The following FAM184B variants were observed in gnomAD, a reference collection of about 807,000 sequenced individuals.
The protein encoded by FAM184B is family with sequence similarity 184 member B.
A neutral mutation model predicts 135.9 loss-of-function variants in FAM184B; 111 were observed. That is an observed-to-expected ratio of 0.82 (90% CI 0.70 to 0.96). FAM184B has a LOEUF of 0.96. Ranked by LOEUF, FAM184B falls within the 40% of genes least tolerant of loss-of-function variation. The pLI is 0.00. For missense variants in FAM184B, 1,375 were observed against 1,323.9 expected (o/e 1.04, Z -0.60); for synonymous variants, 552 against 524.8 (o/e 1.05, Z -0.71).
intron 1 of FAM184B, among the ~76,000 whole-genome samples, chr4:17,758,452 A>G (rs2108991425): frequency 6.6e-6 from 1 of 152,366 alleles, no homozygotes; most frequent in East Asian, 1.9e-4. Context: ...GCCTACCTGT[A>G]GCAGCAGCTG....
Position 17,630,609 on chromosome 4 carries a change from G to C in FAM184B, c.*1923C>G, listed in dbSNP as rs552404264. On this transcript the variant is annotated 3_prime_UTR_variant, in exon 18 of 18. Coordinates refer to ENST00000265018, the MANE Select transcript of FAM184B (RefSeq NM_015688.2). ...TGTTAGAGCAGCCTGAACGAACTAA[G>C]ACACTCTAAGCGGGAAACTCACAAA... The C allele has an allele frequency of 6.6e-6, 1 of 152,270 alleles. No individual in the cohort carries two copies. The highest frequency in any genetic ancestry group is 2.4e-5 in the African/African-American group (1 of 41,562). 9.4% of individuals were successfully genotyped at this position (152,270 alleles called of 1,614,324 possible).
intron 1 of FAM184B, among the ~76,000 whole-genome samples, chr4:17,771,594 T>C (rs1302755546): frequency 6.6e-6 from 1 of 152,142 alleles, no homozygotes; most frequent in Non-Finnish European, 1.5e-5. Flanking sequence ...AAGAGGATAT[T>C]TTCAGAAAAG....
chr4:17,767,090 G>A (rs917263484), intron 1 of FAM184B, among the ~76,000 whole-genome samples: 1 of 152,152 alleles, frequency 6.6e-6, no homozygotes, highest in Non-Finnish European at 1.5e-5. Flanking sequence ...AGCGCCAGCC[G>A]GCCCCTCCGA....
At chr4:17,731,766 C>A (rs967746731) in intron 1 of FAM184B, among the ~76,000 whole-genome samples, 2 of 152,134 alleles carry the variant, frequency 1.3e-5, no homozygotes, top group African/African-American at 4.8e-5. Flanking sequence ...TTAGACAGAT[C>A]AACGAGACAG....
At chr4:17,773,454 G>T (rs1229036424) in intron 1 of FAM184B, among the ~76,000 whole-genome samples, 3 of 152,198 alleles carry the variant, frequency 2.0e-5, no homozygotes, top group Admixed American at 1.3e-4. Context: ...GCACTAAGAC[G>T]CCTGCGCATT....
intron 7 of FAM184B, among the ~76,000 whole-genome samples, chr4:17,688,199 C>T (rs1227813398): frequency 1.3e-5 from 2 of 152,106 alleles, no homozygotes; most frequent in Admixed American, 1.3e-4. Flanking sequence ...TCTGACAGGC[C>T]TTATTCTCTT....
At chr4:17,669,845 T>C (rs1250663725) in intron 7 of FAM184B, among the ~76,000 whole-genome samples, 1 of 152,172 alleles carries the variant, frequency 6.6e-6, no homozygotes, top group African/African-American at 2.4e-5. Flanking sequence ...AAGCTAAACC[T>C]AATAGCTAAA....
chr4:17,707,827 G>A, intron 2 of FAM184B, 43 bp from the exon 3 acceptor site: 2 of 1,549,642 alleles, frequency 1.3e-6, no homozygotes, highest in Non-Finnish European at 1.7e-6. Context: ...TTATAGCTCT[G>A]TATAGAGACA....
At chr4:17,636,721 T>A in intron 14 of FAM184B, 76 bp from the exon 15 acceptor site, 1 of 1,215,826 alleles carries the variant, frequency 8.2e-7, no homozygotes, top group Non-Finnish European at 1.1e-6. Flanking sequence ...GTGCACACGA[T>A]GGGAATGCCA....
chr4:17,731,193 G>T (rs2108977879), intron 1 of FAM184B, among the ~76,000 whole-genome samples: 1 of 152,170 alleles, frequency 6.6e-6, no homozygotes, highest in South Asian at 2.1e-4. Context: ...ACATGGAAAG[G>T]AACAACCGGT....
At position 17,752,946 on chromosome 4, in the gene FAM184B, C is replaced by G. The variant is rs951812704; in HGVS notation, c.141+28213G>C. 2.0e-5 allele frequency among the ~76,000 whole-genome samples: 3 copies of G among 152,306 alleles called. No individual in the cohort carries two copies. In the East Asian group the frequency reaches 5.8e-4, roughly 29 times the overall value. On this transcript the variant is annotated intron_variant, in intron 1 of 17. Coordinates refer to ENST00000265018, the MANE Select transcript of FAM184B (RefSeq NM_015688.2). ...TTCTCTCTTAACCTCCACTATTTGC[C>G]CTTGAAGGTAGCAGCTACTTCTAAC... is the stretch of plus-strand genomic sequence containing the variant.
chr4:17,721,126 T>C (rs998258468), intron 1 of FAM184B, among the ~76,000 whole-genome samples: 2 of 151,514 alleles, frequency 1.3e-5, no homozygotes, highest in African/African-American at 4.8e-5. Flanking sequence ...GGCTTACGCC[T>C]GTAATCCCAG....
chr4:17,765,607 C>G (rs1482588584), intron 1 of FAM184B, among the ~76,000 whole-genome samples: 1 of 152,182 alleles, frequency 6.6e-6, no homozygotes, highest in Admixed American at 6.5e-5. Context: ...CTGCCTTCAA[C>G]CAACATGTGG....
chr4:17,753,935 T>C (rs1718362652), intron 1 of FAM184B, among the ~76,000 whole-genome samples: 1 of 152,128 alleles, frequency 6.6e-6, no homozygotes, highest in East Asian at 1.9e-4. Flanking sequence ...AGCCTAAGGG[T>C]AGAATTTATG....
intron 6 of FAM184B, 132 bp from the exon 7 acceptor site, chr4:17,688,663 C>G (rs1222302987): frequency 2.5e-6 from 1 of 404,844 alleles, no homozygotes; most frequent in Non-Finnish European, 4.5e-6. Flanking sequence ...AAATTCTACA[C>G]ACACTTCTAG....
At chr4:17,706,694 C>T (rs748175887) in intron 3 of FAM184B, among the ~76,000 whole-genome samples, 1 of 152,140 alleles carries the variant, frequency 6.6e-6, no homozygotes, top group African/African-American at 2.4e-5. Flanking sequence ...TTGGGCTGGG[C>T]GTGGTGGCTA....
chr4:17,751,404 TG>T (rs1369310238), intron 1 of FAM184B, among the ~76,000 whole-genome samples: 2 of 151,514 alleles, frequency 1.3e-5, no homozygotes, highest in Non-Finnish European at 2.9e-5. Context: ...GGAAGTGCTG[TG>T]GGGAAAAACC....
At chr4:17,714,050 A>T (rs989290518) in intron 1 of FAM184B, among the ~76,000 whole-genome samples, 14 of 152,154 alleles carry the variant, frequency 9.2e-5, no homozygotes, top group Admixed American at 2.6e-4. Context: ...CCCCTTTTCC[A>T]TGTCAAGCTG....
At chr4:17,771,640 C>A (rs1305717167) in intron 1 of FAM184B, among the ~76,000 whole-genome samples, 2 of 152,124 alleles carry the variant, frequency 1.3e-5, no homozygotes, top group Admixed American at 1.3e-4. Flanking sequence ...GATTTCCACA[C>A]CTTTAAGCCA....
Sources: gnomAD v4.1 joint callset for allele counts (sites outside exome capture counted in the v4.1 genomes callset) on GRCh38, gnomAD v4.1.1 for gene constraint, MANE v1.5 for transcripts, NCBI Gene and HGNC (gene_info 2026-07-23, HGNC 2026-07-21) for gene names.